MAN1A2: variants seen among roughly 807,000 people sequenced by gnomAD.
MAN1A2 encodes the protein mannosyl-oligosaccharide 1,2-alpha-mannosidase IB.
A neutral mutation model predicts 75.7 loss-of-function variants in MAN1A2; 26 were observed. The ratio of observed to expected loss-of-function variants is 0.34; its 90% CI spans 0.25 to 0.48. The LOEUF (loss-of-function observed/expected upper bound fraction) is 0.48, where lower values mean the gene tolerates loss of function less well. Among genes scored for constraint, MAN1A2 ranks in the 20% least tolerant of loss-of-function variants. The probability of loss-of-function intolerance (pLI) is 0.99; values close to 1 mark genes in which losing one functional copy is unlikely to be tolerated. For synonymous variants in MAN1A2, 247 were observed against 264.6 expected (o/e 0.93, Z 0.65); for missense variants, 562 against 775.5 (o/e 0.72, Z 3.27).
At chr1:117,405,700 C>T (rs923658387) in intron 3 of MAN1A2, 55 bp downstream of exon 3, 2 of 963,818 alleles carry the variant, frequency 2.1e-6, no homozygotes, top group African/African-American at 3.2e-5. Flanking sequence ...TCTTTTAAAA[C>T]AAGATGTAAC....
intron 4 of MAN1A2, among the ~76,000 whole-genome samples, chr1:117,417,644 TAAAC>T (rs1442787531): frequency 2.7e-5 from 4 of 147,040 alleles, no homozygotes; most frequent in Admixed American, 6.9e-5. Context: ...AGCAAAACAA[TAAAC>T]AATGTATGTT....
rs1029719526 is a variant in MAN1A2, at chr1:117,523,220, T to G, written c.*263T>G. On this transcript the variant is annotated 3_prime_UTR_variant, in exon 13 of 13. Coordinates refer to ENST00000356554, the MANE Select transcript of MAN1A2 (RefSeq NM_006699.5). The stretch of plus-strand genomic sequence containing the variant: ...GTTAATGAGGTGGTCACATGAGAAA[T>G]GATACCTGTTACTACTGTATTGTTT... 2.1e-5 allele frequency: 12 copies of G among 579,844 alleles called. No individual in the cohort carries two copies. In the Admixed American group the frequency reaches 2.6e-4, roughly 13 times the overall value. The allele number at this position is 579,844 out of a possible 1,614,324, so 35.9% of individuals were successfully genotyped here.
chr1:117,506,387 C>T (rs1651370790), intron 12 of MAN1A2, among the ~76,000 whole-genome samples: 1 of 151,470 alleles, frequency 6.6e-6, no homozygotes, highest in Admixed American at 6.6e-5. Context: ...GGTGCTATAC[C>T]ATGGAGTAGT....
At chr1:117,461,838 C>G (rs1026049211) in intron 7 of MAN1A2, among the ~76,000 whole-genome samples, 2 of 152,096 alleles carry the variant, frequency 1.3e-5, no homozygotes, top group African/African-American at 4.8e-5. Flanking sequence ...AATAAAATCT[C>G]TAATGGCCTT....
intron 9 of MAN1A2, chr1:117,493,833 A>T (rs1650961469): frequency 6.6e-6 from 1 of 151,994 alleles, no homozygotes; most frequent in African/African-American, 2.4e-5. Context: ...ATGAAAATTG[A>T]TTTTATTTAC....
Position 117,484,556 on chromosome 1 carries a change from C to T in MAN1A2, c.1169-8591C>T, listed in dbSNP as rs530566455. On this transcript the variant is annotated intron_variant, in intron 8 of 12. Transcript: ENST00000356554. Reference sequence around the variant, plus strand: ...TGCAATATGCAATTTACTGAAGACACGGAGATGATTAGTGTCACAAGTTGT... The same window carrying T: ...TGCAATATGCAATTTACTGAAGACATGGAGATGATTAGTGTCACAAGTTGT... 1.1e-3 allele frequency among the ~76,000 whole-genome samples: 163 copies of T among 151,978 alleles called. 2 individuals are homozygous for T. Among genetic ancestry groups the T allele is most frequent in the Admixed American group, 5.8e-3 (88 of 15,234 alleles).
chr1:117,407,671 T>C (rs1037367986), intron 3 of MAN1A2, among the ~76,000 whole-genome samples: 2 of 152,194 alleles, frequency 1.3e-5, no homozygotes, highest in Non-Finnish European at 2.9e-5. Flanking sequence ...CCTCTTTACA[T>C]GCAGATAACA....
rs116157919 is a variant in MAN1A2 at position 117,471,976 on chromosome 1, G to A, written c.1168+5549G>A. On this transcript the variant is annotated intron_variant, in intron 8 of 12. Coordinates refer to ENST00000356554, the MANE Select transcript of MAN1A2 (RefSeq NM_006699.5). ...TAATAAATAGGCTAAATTAGGAAAA[G>A]GAAAGGCTTACAGCAGAAGGACATA... Among the ~76,000 whole-genome samples the A allele has an allele frequency of 3.8e-3, 572 of 151,658 alleles. 3 individuals carry two copies. The highest frequency in any genetic ancestry group is 0.013 in the African/African-American group (547 of 41,428).
At chr1:117,386,723 C>CGACAGGG (rs1421257242) in intron 1 of MAN1A2, among the ~76,000 whole-genome samples, 4 of 45,670 alleles carry the variant, frequency 8.8e-5, no homozygotes, top group Admixed American at 4.3e-4. Flanking sequence ...CTCAGTGGCT[C>CGACAGGG]ATCCCTGTCT....
chr1:117,406,708 A>T (rs557120232), intron 3 of MAN1A2, among the ~76,000 whole-genome samples: 2 of 152,254 alleles, frequency 1.3e-5, no homozygotes, highest in South Asian at 4.1e-4. Context: ...GAAATAAAGT[A>T]TATTTTCTTA....
intron 10 of MAN1A2, among the ~76,000 whole-genome samples, chr1:117,498,453 A>G (rs1471253489): frequency 6.6e-6 from 1 of 151,894 alleles, no homozygotes; most frequent in Non-Finnish European, 1.5e-5. Context: ...TTATATGCCA[A>G]GTATTATGCT....
intron 1 of MAN1A2, among the ~76,000 whole-genome samples, chr1:117,396,985 A>G (rs1424953542): frequency 6.6e-6 from 1 of 151,762 alleles, no homozygotes; most frequent in East Asian, 1.9e-4. Flanking sequence ...AGGCATGGGC[A>G]GAGATGGAAC....
chr1:117,477,315 C>G lies in MAN1A2; in HGVS notation c.1168+10888C>G, dbSNP rs550212729. Among the ~76,000 whole-genome samples the G allele has an allele frequency of 5.9e-5, 9 of 152,068 alleles. No homozygotes were observed. In the South Asian group the frequency reaches 1.7e-3, roughly 28 times the overall value. On this transcript the variant is annotated intron_variant, in intron 8 of 12. Coordinates refer to ENST00000356554, the MANE Select transcript of MAN1A2 (RefSeq NM_006699.5). ...CATCAAGATCACCCTGTTACCAAAA[C>G]CTGGCAGAGACACAACAAAAAAAGA...
chr1:117,409,313 A>G (rs1292696473), intron 3 of MAN1A2, among the ~76,000 whole-genome samples: 1 of 151,856 alleles, frequency 6.6e-6, no homozygotes, highest in East Asian at 1.9e-4. Flanking sequence ...ATATATTTTC[A>G]TTTTCATTCA....
rs182087068 is a variant in MAN1A2, at chr1:117,523,079, A to G, written c.*122A>G. 3.1e-4 allele frequency: 324 copies of G among 1,052,874 alleles called. 2 individuals carry two copies. The East Asian group carries it at 7.6e-3, about 25-fold the overall frequency. 65.2% of individuals were successfully genotyped at this position (1,052,874 alleles called of 1,614,324 possible). Reference sequence around the variant, plus strand: ...TATGTCAACATGACAGGGTGAAACTATTCCCCCTAAGACTGTTCAACTTGT... The same window carrying G: ...TATGTCAACATGACAGGGTGAAACTGTTCCCCCTAAGACTGTTCAACTTGT... On this transcript the variant is annotated 3_prime_UTR_variant, in exon 13 of 13. Transcript: ENST00000356554.
intron 8 of MAN1A2, among the ~76,000 whole-genome samples, chr1:117,475,900 A>G (rs1406320375): frequency 3.9e-5 from 6 of 152,194 alleles, no homozygotes; most frequent in Non-Finnish European, 8.8e-5. Context: ...TTGCTGGGTC[A>G]AATGGTATCT....
chr1:117,445,219 G>A (rs1276408211), intron 6 of MAN1A2, among the ~76,000 whole-genome samples: 3 of 151,900 alleles, frequency 2.0e-5, no homozygotes, highest in African/African-American at 7.2e-5. Flanking sequence ...ATATTCCTTG[G>A]CCATAATGTA....
intron 1 of MAN1A2, among the ~76,000 whole-genome samples, chr1:117,374,163 G>A (rs987986818): frequency 6.6e-6 from 1 of 152,066 alleles, no homozygotes; most frequent in African/African-American, 2.4e-5. Flanking sequence ...ACACAGCTGG[G>A]CATGGTGGTT....
Position 117,524,859 on chromosome 1 carries a change from T to C in MAN1A2, c.*1902T>C. 3.7e-6 allele frequency: 1 copy of C among 271,420 alleles called. No homozygotes were observed. The highest frequency in any genetic ancestry group is 7.5e-6 in the Non-Finnish European group (1 of 133,766). The allele number at this position is 271,420 out of a possible 1,614,324, so 16.8% of individuals were successfully genotyped here. On this transcript the variant is annotated 3_prime_UTR_variant, in exon 13 of 13. Transcript: ENST00000356554. ...CATTTAAATTTCTAAATGAGAAAGG[T>C]ATATATATTACTGTAACTGTAGAAG...
Sources: gnomAD v4.1 joint callset for allele counts (sites outside exome capture counted in the v4.1 genomes callset) on GRCh38, gnomAD v4.1.1 for gene constraint, MANE v1.5 for transcripts, NCBI Gene and HGNC (gene_info 2026-07-23, HGNC 2026-07-21) for gene names.